Variants in ZFP82 observed in about 807,000 individuals in gnomAD.
ZFP82 encodes the protein zinc finger protein 82 homolog.
A neutral mutation model predicts 54.0 loss-of-function variants in ZFP82; 30 were observed. The observed-to-expected ratio is 0.56, with a 90% CI of 0.42 to 0.75. The LOEUF is 0.75. ZFP82 is among the 30% of genes least tolerant of loss of function. The pLI is 0.00. For missense variants in ZFP82, 500 were observed against 636.8 expected (o/e 0.79, Z 2.31); for synonymous variants, 194 against 209.5 (o/e 0.93, Z 0.64).
intron 4 of ZFP82, among the ~76,000 whole-genome samples, chr19:36,398,464 G>A (rs553458788): frequency 6.6e-6 from 1 of 151,712 alleles, no homozygotes; most frequent in South Asian, 2.1e-4. Context: ...TTGAACCCAG[G>A]AGGCAGAGGT....
At chr19:36,414,867 G>C (rs544428394) in intron 1 of ZFP82, among the ~76,000 whole-genome samples, 11 of 150,936 alleles carry the variant, frequency 7.3e-5, no homozygotes, top group African/African-American at 2.7e-4. Flanking sequence ...TGTTGCCCGG[G>C]CTGGAATGCA....
rs1600097034 is a variant in ZFP82, at chr19:36,392,474, C to T, written c.*267G>A. ...TGTCATAAATTAAAAAATTATAGCA[C>T]AGAGCAGTTAAGCGTCTTGTCCAGT... On this transcript the variant is annotated 3_prime_UTR_variant, in exon 5 of 5. Transcript: ENST00000392161. The T allele has an allele frequency of 8.7e-6, 3 of 345,242 alleles. No homozygotes were observed. The East Asian group carries it at 1.5e-4, about 17-fold the overall frequency. 21.4% of individuals were successfully genotyped at this position (345,242 alleles called of 1,614,324 possible).
At chr19:36,383,137 T>C (rs1486164120) in exon 2 of ZFP82, 1 of 152,124 alleles carries the variant, frequency 6.6e-6, no homozygotes, top group African/African-American at 2.4e-5. Context: ...GTGCTTTTTA[T>C]TGAAAAGACC....
intron 3 of ZFP82, 61 bp from the exon 4 acceptor site, chr19:36,405,733 G>A (rs2032470939): frequency 3.9e-6 from 5 of 1,270,138 alleles, no homozygotes; most frequent in Non-Finnish European, 4.3e-6. Flanking sequence ...AAATTACTTT[G>A]ATTCAGTCTT....
chr19:36,409,679 A>G (rs893756540), intron 2 of ZFP82, 102 bp downstream of exon 2: 33 of 1,251,668 alleles, frequency 2.6e-5, no homozygotes, highest in Non-Finnish European at 3.6e-5. Flanking sequence ...GAACTGGAAG[A>G]AGGTTCTTGG....
At chr19:36,383,823 ATTTT>A (rs1423940969), downstream of ZFP82, 2 of 152,146 alleles carry the variant, frequency 1.3e-5, no homozygotes, top group Non-Finnish European at 1.5e-5. Context: ...CTAGAATTTT[ATTTT>A]TTAAGAATCT....
intron 1 of ZFP82, among the ~76,000 whole-genome samples, chr19:36,417,072 C>T (rs1443861360): frequency 3.0e-5 from 2 of 65,646 alleles, no homozygotes; most frequent in Non-Finnish European, 5.4e-5. Flanking sequence ...GACCCTGTCT[C>T]AAAAAAAAAA....
rs536816720 is a variant in ZFP82 at position 36,417,739 on chromosome 19, G to C, written c.-79+753C>G. Among the ~76,000 whole-genome samples the C allele has an allele frequency of 2.2e-4, 33 of 152,270 alleles. No homozygotes were observed. In the South Asian group the frequency reaches 6.8e-3, roughly 32 times the overall value. ...CCAGGGTCATGGATGCCCGGGGCTA[G>C]AACTGGAGTTCACAATAGCTTCCTG... On this transcript the variant is annotated intron_variant, in intron 1 of 4. Coordinates refer to ENST00000392161, the MANE Select transcript of ZFP82 (RefSeq NM_133466.4).
chr19:36,416,143 T>A (rs1160697858), intron 1 of ZFP82, among the ~76,000 whole-genome samples: 1 of 152,228 alleles, frequency 6.6e-6, no homozygotes, highest in African/African-American at 2.4e-5. Flanking sequence ...ACAAGCTTTT[T>A]TTCCTTCTCA....
chr19:36,407,074 CTTTTTTTTTT>C (rs35808591), intron 3 of ZFP82, among the ~76,000 whole-genome samples: 1 of 99,760 alleles, frequency 1.0e-5, no homozygotes, highest in Non-Finnish European at 1.9e-5. Flanking sequence ...TTTTAATTTT[CTTTTTTTTTT>C]TTTTTTTTTT....
chr19:36,385,406 G>C (rs1241717397), downstream of ZFP82, among the ~76,000 whole-genome samples: 2 of 152,190 alleles, frequency 1.3e-5, no homozygotes, highest in East Asian at 3.8e-4. Context: ...ACACAAAACA[G>C]ACTAAGACAG....
At chr19:36,403,362 A>G (rs2032424265) in intron 4 of ZFP82, among the ~76,000 whole-genome samples, 1 of 91,490 alleles carries the variant, frequency 1.1e-5, no homozygotes, top group Non-Finnish European at 2.2e-5. Context: ...GGTGGCTCAC[A>G]CCTGTAATCC....
At chr19:36,401,757 C>T (rs1279790342) in intron 4 of ZFP82, among the ~76,000 whole-genome samples, 1 of 152,208 alleles carries the variant, frequency 6.6e-6, no homozygotes, top group African/African-American at 2.4e-5. Context: ...CAGCTTCTTA[C>T]TTTCCCTTTC....
At chr19:36,405,707 A>G in intron 3 of ZFP82, 35 bp from the exon 4 acceptor site, 1 of 1,468,084 alleles carries the variant, frequency 6.8e-7, no homozygotes. Flanking sequence ...GGTACATGAA[A>G]ATAAAAAATA....
chr19:36,408,431 T>C (rs2032521836), intron 2 of ZFP82, among the ~76,000 whole-genome samples: 1 of 152,178 alleles, frequency 6.6e-6, no homozygotes, highest in African/African-American at 2.4e-5. Context: ...ATCTTTATCT[T>C]AGAAAAGGAT....
intron 3 of ZFP82, among the ~76,000 whole-genome samples, chr19:36,407,581 T>C (rs1355584783): frequency 7.5e-6 from 1 of 132,526 alleles, no homozygotes; most frequent in East Asian, 2.2e-4. Flanking sequence ...CAACAAAACA[T>C]CTAAAGCAGT....
At chr19:36,413,364 T>C (rs2032611711) in intron 1 of ZFP82, among the ~76,000 whole-genome samples, 1 of 152,020 alleles carries the variant, frequency 6.6e-6, no homozygotes, top group Admixed American at 6.6e-5. Flanking sequence ...TGAGCTGAGA[T>C]TGCACCACTG....
At chr19:36,416,376 A>G (rs187897872) in intron 1 of ZFP82, among the ~76,000 whole-genome samples, 122 of 152,324 alleles carry the variant, frequency 8.0e-4, no homozygotes, top group African/African-American at 2.7e-3. Flanking sequence ...ATATTAACAG[A>G]TATCTATAAC....
rs367552618 is a variant in ZFP82 at position 36,415,245 on chromosome 19, CATT to C, written c.-79+3244_-79+3246del. On this transcript the variant is annotated intron_variant, in intron 1 of 4. Transcript: ENST00000392161. ...GCACAGAAAAAAATGGAAAAGCAAA[CATT>C]AGAATAGTAATATTTATTGTGGATG... is the stretch of plus-strand genomic sequence containing the variant. Among the ~76,000 whole-genome samples, 38 of 152,272 alleles carry C rather than the reference CATT, an allele frequency of 2.5e-4. 1 individual carries two copies. The South Asian group carries it at 7.7e-3, about 31-fold the overall frequency.
Sources: gnomAD v4.1 joint callset for allele counts (sites outside exome capture counted in the v4.1 genomes callset) on GRCh38, gnomAD v4.1.1 for gene constraint, MANE v1.5 for transcripts, NCBI Gene and HGNC (gene_info 2026-07-23, HGNC 2026-07-21) for gene names.